DISC1: variants seen among roughly 807,000 people sequenced by gnomAD.
DISC1 encodes disrupted in schizophrenia 1 protein.
A neutral mutation model predicts 84.5 loss-of-function variants in DISC1; 57 were observed. That is an observed-to-expected ratio of 0.67 (90% confidence interval 0.55 to 0.84). The LOEUF is 0.84. Ranked by LOEUF, DISC1 falls within the 40% of genes least tolerant of loss-of-function variation. The pLI, the probability that DISC1 is intolerant of heterozygous loss-of-function variation, is 0.00. For synonymous variants in DISC1, 411 were observed against 415.2 expected (o/e 0.99, Z 0.12); for missense variants, 1,000 against 1,057.8 (o/e 0.95, Z 0.76).
At chr1:231,902,044 CAT>C (rs147447134) in intron 9 of DISC1, among the ~76,000 whole-genome samples, 2,897 of 151,788 alleles carry the variant, frequency 0.019, 102 homozygotes, top group African/African-American at 0.066. Flanking sequence ...AATTATTAAA[CAT>C]ATTATATTTA....
At chr1:231,658,416 A>T (rs1403080686) in intron 1 of DISC1, among the ~76,000 whole-genome samples, 1 of 152,200 alleles carries the variant, frequency 6.6e-6, no homozygotes, top group Non-Finnish European at 1.5e-5. Context: ...GGATCATGTC[A>T]TCTGCAAACA....
intron 1 of DISC1, among the ~76,000 whole-genome samples, chr1:231,639,808 C>T (rs897272100): frequency 5.3e-5 from 8 of 152,126 alleles, no homozygotes; most frequent in Admixed American, 2.0e-4. Context: ...TTGTATTGTC[C>T]CCAGCAGCCA....
At chr1:231,677,523 A>T (rs1472989193) in intron 1 of DISC1, among the ~76,000 whole-genome samples, 1 of 152,242 alleles carries the variant, frequency 6.6e-6, no homozygotes, top group African/African-American at 2.4e-5. Flanking sequence ...GAAATTTAAA[A>T]TGTGTTTTTT....
At chr1:231,674,855 G>T (rs542113442) in intron 1 of DISC1, among the ~76,000 whole-genome samples, 12 of 152,364 alleles carry the variant, frequency 7.9e-5, no homozygotes, top group African/African-American at 2.9e-4. Context: ...CCTAGAAGGA[G>T]CGAGGATTTG....
chr1:231,796,418 C>T (rs1258464170), intron 7 of DISC1, among the ~76,000 whole-genome samples: 1 of 143,246 alleles, frequency 7.0e-6, no homozygotes, highest in Non-Finnish European at 1.6e-5. Flanking sequence ...TGGAAGGACT[C>T]TCTTCCGGTC....
At chr1:231,895,704 C>G (rs1651532098) in intron 9 of DISC1, among the ~76,000 whole-genome samples, 2 of 151,764 alleles carry the variant, frequency 1.3e-5, no homozygotes, top group African/African-American at 4.8e-5. Flanking sequence ...TTTCTTCATA[C>G]TATCTTTCCC....
intron 7 of DISC1, among the ~76,000 whole-genome samples, chr1:231,796,884 T>G (rs1223586476): frequency 1.3e-5 from 2 of 151,962 alleles, no homozygotes; most frequent in African/African-American, 4.8e-5. Context: ...CCAGCTAAAT[T>G]TGTTTGATTT....
At chr1:231,926,191 G>C (rs1417310401) in intron 9 of DISC1, among the ~76,000 whole-genome samples, 1 of 152,184 alleles carries the variant, frequency 6.6e-6, no homozygotes, top group African/African-American at 2.4e-5. Flanking sequence ...TGGTGAAAAA[G>C]TAAAAGCTCT....
At chr1:232,008,731 A>G in intron 10 of DISC1, 54 bp from the exon 11 acceptor site, 1 of 1,511,902 alleles carries the variant, frequency 6.6e-7, no homozygotes, top group Non-Finnish European at 8.8e-7. Context: ...TCGACTTGGT[A>G]TGATGAAACA....
chr1:231,696,582 G>A (rs755388316), intron 2 of DISC1, among the ~76,000 whole-genome samples: 3 of 152,210 alleles, frequency 2.0e-5, no homozygotes, highest in Admixed American at 6.5e-5. Context: ...TTACACTCAT[G>A]TACTGCATAA....
At chr1:231,687,445 TACTC>T (rs1417994547) in intron 1 of DISC1, among the ~76,000 whole-genome samples, 1 of 152,140 alleles carries the variant, frequency 6.6e-6, no homozygotes, top group African/African-American at 2.4e-5. Flanking sequence ...TCATGAGACT[TACTC>T]ACTACCATGA....
chr1:231,867,993 C>T (rs78642139), intron 9 of DISC1, among the ~76,000 whole-genome samples: 1,745 of 152,292 alleles, frequency 0.011, 8 homozygotes, highest in Non-Finnish European at 0.018. Context: ...ATTTGTATTG[C>T]AATAAGTGTG....
At chr1:232,018,734 C>G (rs535076925) in intron 11 of DISC1, among the ~76,000 whole-genome samples, 35 of 151,986 alleles carry the variant, frequency 2.3e-4, no homozygotes, top group Non-Finnish European at 4.0e-4. Flanking sequence ...TGAATCATAC[C>G]CGTGTGGAGG....
intron 3 of DISC1, among the ~76,000 whole-genome samples, chr1:231,716,897 G>A (rs2068813612): frequency 6.6e-6 from 1 of 152,044 alleles, no homozygotes; most frequent in African/African-American, 2.4e-5. Context: ...CAGCTAATTT[G>A]TTTTTATAAA....
rs1172104463 is a variant in DISC1 at position 231,858,992 on chromosome 1, G to A, written c.1981+40475G>A. 3.9e-5 allele frequency among the ~76,000 whole-genome samples: 6 copies of A among 152,310 alleles called. No individual in the cohort carries two copies. The East Asian group carries it at 1.2e-3, about 29-fold the overall frequency. ...AAAATACACCCTATAACTCTTGAGT[G>A]CCCACTCATCCTCAGCTGGCTCTGG... On this transcript the variant is annotated intron_variant, in intron 9 of 12. Transcript: ENST00000439617.
At chr1:231,807,509 G>T (rs1480152547) in intron 8 of DISC1, among the ~76,000 whole-genome samples, 1 of 152,192 alleles carries the variant, frequency 6.6e-6, no homozygotes. Flanking sequence ...TCAAAAAATG[G>T]ACCCTCATTC....
At chr1:231,771,573 G>C in intron 6 of DISC1, 1 of 985,422 alleles carries the variant, frequency 1.0e-6, no homozygotes, top group Non-Finnish European at 1.2e-6. Context: ...GTTATAAGCT[G>C]ACTCTATGAG....
In DISC1 at chr1:231,716,502, CATGACATTGG is replaced by C. The variant is rs555928727; in HGVS notation, c.1117+14488_1117+14497del. Among the ~76,000 whole-genome samples the C allele has an allele frequency of 1.1e-3, 171 of 152,032 alleles. 3 individuals carry two copies. The highest frequency in any genetic ancestry group is 1.8e-3 in the Non-Finnish European group (123 of 68,002). Reference sequence around the variant, plus strand: ...TCGTTTTCTGCCTGATGCTTTGTTGCATGACATTGGATGACATTGAGAAAATGAAATTGAA... The same window carrying C: ...TCGTTTTCTGCCTGATGCTTTGTTGCATGACATTGAGAAAATGAAATTGAA... On this transcript the variant is annotated intron_variant, in intron 3 of 12. Transcript: ENST00000439617.
intron 8 of DISC1, among the ~76,000 whole-genome samples, chr1:231,806,717 A>G (rs1039986199): frequency 1.3e-5 from 2 of 152,240 alleles, no homozygotes; most frequent in South Asian, 4.1e-4. Context: ...CTGCCTGGAA[A>G]GGAAGTGAGA....
Sources: allele counts gnomAD v4.1 joint callset (sites outside exome capture counted in the v4.1 genomes callset), GRCh38; gene constraint gnomAD v4.1.1; transcripts MANE v1.5; gene names NCBI Gene and HGNC (gene_info 2026-07-23, HGNC 2026-07-21).